Variants in CSF2RB observed in about 807,000 individuals in gnomAD.
CSF2RB encodes colony stimulating factor 2 receptor subunit beta.
CSF2RB carries 22 observed loss-of-function variants against 67.2 expected under a neutral mutation model. The observed-to-expected ratio is 0.33, with a 90% CI of 0.23 to 0.47. The LOEUF is 0.47. Among genes scored for constraint, CSF2RB ranks in the 20% least tolerant of loss-of-function variants. The pLI is 1.00. For missense variants in CSF2RB, 1,113 were observed against 1,174.5 expected, an observed-to-expected ratio of 0.95 and a Z score of 0.76; for synonymous variants, 507 against 482.9, an observed-to-expected ratio of 1.05 and a Z score of -0.65.
chr22:36,921,062 GTGTGTATGTGTGTGTGTGT>G (rs1940852797), intron 1 of CSF2RB, among the ~76,000 whole-genome samples: 1 of 151,228 alleles, frequency 6.6e-6, no homozygotes, highest in Non-Finnish European at 1.5e-5. Context: ...GTATATGCGA[GTGTGTATGTGTGTGTGTGT>G]TGTGCATGTA....
chr22:36,921,465 TTG>T (rs148312934), intron 1 of CSF2RB, among the ~76,000 whole-genome samples: 56 of 150,772 alleles, frequency 3.7e-4, no homozygotes, highest in Admixed American at 7.3e-4. Flanking sequence ...GTCCGTGTGC[TTG>T]TGTGTGTGTG....
At chr22:36,922,419 C>T in intron 2 of CSF2RB, 136 bp downstream of exon 2, 2 of 785,036 alleles carry the variant, frequency 2.5e-6, no homozygotes, top group Non-Finnish European at 2.1e-6. Flanking sequence ...TCCCCCTGGC[C>T]TTCCCTGGGC....
rs1358836484 is a variant in CSF2RB, at chr22:36,938,527, G to A, written c.*25G>A. 4 of 1,589,292 alleles carry A rather than the reference G, an allele frequency of 2.5e-6. No homozygotes were observed. The highest frequency in any genetic ancestry group is 3.4e-6 in the Non-Finnish European group (4 of 1,166,376). On this transcript the variant is annotated 3_prime_UTR_variant, in exon 14 of 14. Coordinates refer to ENST00000403662, the MANE Select transcript of CSF2RB (RefSeq NM_000395.3). ...AGACCCCCAGGCCTAGACAGGCAAG[G>A]GGATGGAGAGGGCTTGCCTTCCCTC...
chr22:36,926,927 G>A (rs1476798276), intron 4 of CSF2RB, among the ~76,000 whole-genome samples: 1 of 85,036 alleles, frequency 1.2e-5, no homozygotes, highest in African/African-American at 4.7e-5. Context: ...AGGAGGTACT[G>A]CAGGCTGTCA....
chr22:36,925,041 G>T (rs1219845727), intron 3 of CSF2RB, among the ~76,000 whole-genome samples: 1 of 152,156 alleles, frequency 6.6e-6, no homozygotes, highest in Non-Finnish European at 1.5e-5. Flanking sequence ...AGGTGTCTCC[G>T]ACTCCAAACG....
intron 1 of CSF2RB, among the ~76,000 whole-genome samples, chr22:36,920,867 A>G (rs1940844975): frequency 6.6e-6 from 1 of 152,148 alleles, no homozygotes; most frequent in South Asian, 2.1e-4. Context: ...TATGTTGTTA[A>G]TCAATGATTT....
chr22:36,932,544 G>T (rs554635046), intron 8 of CSF2RB, among the ~76,000 whole-genome samples: 1 of 152,232 alleles, frequency 6.6e-6, no homozygotes, highest in South Asian at 2.1e-4. Flanking sequence ...GCAAGCACTG[G>T]GCCACATCAC....
At position 36,937,743 on chromosome 22, in the gene CSF2RB, G is replaced by A. The variant is rs372368037; in HGVS notation, c.1935G>A (p.Ala645=). 76 of 1,565,632 alleles carry A rather than the reference G, an allele frequency of 4.9e-5. No individual in the cohort carries two copies. The highest frequency in any genetic ancestry group is 6.1e-5 in the Non-Finnish European group (71 of 1,154,698). ...TGCAACTGGTCCCTCTGGCCCAGGC[G>A]ATGGGACCAGGACAGGCCGTGGAAG... ...GQVQLVPLAQ[A]MGPGQAVEVE... is the part of the protein sequence containing the mutation. The change falls in exon 14 of 14, where the codon GCG becomes GCA. Residue 645 remains alanine, a synonymous_variant. Coordinates refer to ENST00000403662, the MANE Select transcript of CSF2RB (RefSeq NM_000395.3). This position sits in a 1 kb window ranked among gnomAD's most constrained non-coding sequence, Gnocchi z 4.6.
At chr22:36,915,404 G>T (rs1015748182) in intron 1 of CSF2RB, among the ~76,000 whole-genome samples, 4 of 145,506 alleles carry the variant, frequency 2.7e-5, no homozygotes, top group Non-Finnish European at 6.0e-5. Context: ...TCTTTTTACA[G>T]AAATGGGATT....
At chr22:36,915,076 TTTTTG>T (rs780992204) in intron 1 of CSF2RB, among the ~76,000 whole-genome samples, 1 of 152,088 alleles carries the variant, frequency 6.6e-6, no homozygotes, top group African/African-American at 2.4e-5. Flanking sequence ...TCCTGTTTGT[TTTTTG>T]TTTTGTTTTG....
rs765176076 is a variant in CSF2RB, at chr22:36,930,397, C to G, written c.741C>G (p.Asn247Lys). ...SQPGDEAQPQ[N>K]LECFFDGAAV... is the part of the protein sequence containing the mutation. ...CAGGGGATGAGGCCCAGCCCCAGAA[C>G]CTGGAGTGCTTCTTTGACGGGGCCG... The change falls in exon 7 of 14, where the codon AAC becomes AAG. Residue 247 changes from asparagine (N) to lysine (K), a missense_variant. This residue lies in a region of CSF2RB where 559 missense variants were observed against 656.5 expected (regional missense o/e 0.85). Coordinates refer to ENST00000403662, the MANE Select transcript of CSF2RB (RefSeq NM_000395.3). 9.3e-6 allele frequency: 15 copies of G among 1,613,494 alleles called. No homozygotes were observed. The highest frequency in any genetic ancestry group is 1.7e-6 in the Non-Finnish European group (2 of 1,180,030).
Position 36,937,661 on chromosome 22 carries a change from A to C in CSF2RB, c.1853A>C (p.Gln618Pro). Residue 618 changes from glutamine (Q) to proline (P), a missense_variant, in exon 14 of 14, where the codon CAG becomes CCG. This residue lies in a region of CSF2RB where 554 missense variants were observed against 517.9 expected (regional missense o/e 1.07). Transcript: ENST00000403662. This position sits in a 1 kb window ranked among gnomAD's most constrained non-coding sequence, Gnocchi z 4.6. ...GAGCCCCCACAGGAGGGTGGGAGCC[A>C]GAAGTCCCCACCTCCAGGGTCCCTG... ...QPEPPQEGGS[Q>P]KSPPPGSLEY... 6.4e-7 allele frequency: 1 copy of C among 1,555,076 alleles called. No individual in the cohort carries two copies. The highest frequency in any genetic ancestry group is 8.7e-7 in the Non-Finnish European group (1 of 1,148,926).
At chr22:36,929,346 C>G in intron 4 of CSF2RB, 56 bp from the exon 5 acceptor site, 1 of 1,613,196 alleles carries the variant, frequency 6.2e-7, no homozygotes, top group Non-Finnish European at 8.5e-7. Flanking sequence ...CCATGCAGGC[C>G]CTGACTGCCC....
At chr22:36,936,138 G>A (rs753140349) in intron 12 of CSF2RB, among the ~76,000 whole-genome samples, 61 of 152,256 alleles carry the variant, frequency 4.0e-4, no homozygotes, top group Non-Finnish European at 6.8e-4. Flanking sequence ...TGAAGGGGTG[G>A]GACAGGAGGC....
chr22:36,914,959 A>G (rs909113041), intron 1 of CSF2RB, among the ~76,000 whole-genome samples: 2 of 152,248 alleles, frequency 1.3e-5, no homozygotes, highest in African/African-American at 4.8e-5. Flanking sequence ...CACAAGAGAC[A>G]AAGTCCCCAG....
intron 4 of CSF2RB, among the ~76,000 whole-genome samples, chr22:36,928,065 C>G (rs1941062731): frequency 6.6e-6 from 1 of 152,108 alleles, no homozygotes; most frequent in Non-Finnish European, 1.5e-5. Flanking sequence ...GGCCCTTGGC[C>G]TCCTGGAGCC....
In CSF2RB at chr22:36,936,666, T is replaced by C. The variant is rs924979278; in HGVS notation, c.1568+14T>C. On this transcript the variant is annotated intron_variant, in intron 13 of 13. Coordinates refer to ENST00000403662, the MANE Select transcript of CSF2RB (RefSeq NM_000395.3). ...TGAGCTGGAGGGGTGAGTGGGCTCG[T>C]GGATCACTCCTGACCTTTGGGGTTC... 6.2e-7 allele frequency: 1 copy of C among 1,601,400 alleles called. No homozygotes were observed. Among genetic ancestry groups the C allele is most frequent in the African/African-American group, 1.3e-5 (1 of 74,646 alleles).
At chr22:36,930,352 A>T in intron 6 of CSF2RB, 23 bp from the exon 7 acceptor site, 6 of 1,613,228 alleles carry the variant, frequency 3.7e-6, no homozygotes, top group Non-Finnish European at 5.1e-6. Flanking sequence ...GACGGAGTAC[A>T]TGAGGACCTG....
Position 36,926,069 on chromosome 22 carries a change from A to G in CSF2RB, c.283A>G (p.Arg95Gly), listed in dbSNP as rs2145794980. 6.2e-7 allele frequency: 1 copy of G among 1,614,180 alleles called. No individual in the cohort carries two copies. The highest frequency in any genetic ancestry group is 8.5e-7 in the Non-Finnish European group (1 of 1,180,030). ...CCCCCATCCCCGCTGCGTGCCCAGGAGATGTGTCATTCCCTGCCAGAGTTT... is the reference window on the plus strand; with the variant it reads ...CCCCCATCCCCGCTGCGTGCCCAGGGGATGTGTCATTCCCTGCCAGAGTTT... ...ACPHPRCVPR[R>G]CVIPCQSFVV... Residue 95 changes from arginine (R) to glycine (G), a missense_variant, in exon 4 of 14, where the codon AGA (arginine) becomes GGA (glycine). Around this residue, in one of 2 missense-constraint regions of CSF2RB, gnomAD observed 559 missense variants for 656.5 expected, o/e 0.85. Transcript: ENST00000403662.
Sources: gnomAD v4.1 joint callset for allele counts (sites outside exome capture counted in the v4.1 genomes callset) on GRCh38, gnomAD v4.1.1 for gene constraint, gnomAD v4.1.1 regional missense constraint, Gnocchi (gnomAD v3.1) non-coding constraint, MANE v1.5 for transcripts, NCBI Gene and HGNC (gene_info 2026-07-23, HGNC 2026-07-21) for gene names.